The following CACNA1A variants were observed in gnomAD, a reference collection of about 807,000 sequenced individuals.
CACNA1A encodes voltage-dependent P/Q-type calcium channel subunit alpha-1A.
A neutral mutation model predicts 262.4 loss-of-function variants in CACNA1A; 57 were observed. The ratio of observed to expected loss-of-function variants is 0.22; its 90% confidence interval spans 0.18 to 0.27. The LOEUF is 0.27. Ranked by LOEUF, CACNA1A falls within the 10% of genes least tolerant of loss-of-function variation. CACNA1A has a pLI of 1.00. For missense variants in CACNA1A, 2,526 were observed against 3,562.8 expected (o/e 0.71, Z 7.41); for synonymous variants, 1,431 against 1,419.3 (o/e 1.01, Z -0.18).
chr19:13,240,237 T>G, intron 31 of CACNA1A, among the ~76,000 whole-genome samples: 2 of 152,174 alleles, frequency 1.3e-5, no homozygotes, highest in Middle Eastern at 6.8e-3. Context: ...GTGCAGTGTC[T>G]GTACATGCAG....
intron 37 of CACNA1A, chr19:13,225,981 C>T (rs1030560124): frequency 1.4e-4 from 22 of 152,158 alleles, no homozygotes; most frequent in African/African-American, 4.8e-4. Context: ...CATGAGCCAC[C>T]ACGCCCAGCC....
intron 3 of CACNA1A, among the ~76,000 whole-genome samples, chr19:13,388,245 C>CTTTT (rs1161893626): frequency 9.3e-5 from 8 of 85,682 alleles, no homozygotes; most frequent in African/African-American, 1.5e-4. Flanking sequence ...TCTTCCTCTT[C>CTTTT]TTTTTTTTTT....
chr19:13,230,244 G>A lies in CACNA1A; in HGVS notation c.5401-35C>T, dbSNP rs16041. ...CCCCGGGGACCAAGAGAGAATGGGG[G>A]CAGAGACCGAGGGAATGAATGAGTG... On this transcript the variant is annotated intron_variant, in intron 35 of 46. Transcript: ENST00000360228. 27,477 of 1,611,916 alleles carry A rather than the reference G, an allele frequency of 0.017. 266 individuals carry two copies. Among genetic ancestry groups the A allele is most frequent in the African/African-American group, 0.043 (3,231 of 74,946 alleles).
At chr19:13,370,517 C>A (rs2059303301) in intron 4 of CACNA1A, among the ~76,000 whole-genome samples, 1 of 152,018 alleles carries the variant, frequency 6.6e-6, no homozygotes, top group South Asian at 2.1e-4. Context: ...CAGCCTTGAC[C>A]TCCTGGGCTC....
At chr19:13,427,782 CAAA>C (rs2060430405) in intron 3 of CACNA1A, among the ~76,000 whole-genome samples, 1 of 142,932 alleles carries the variant, frequency 7.0e-6, no homozygotes, top group South Asian at 2.1e-4. Context: ...TAAAAACAAA[CAAA>C]CAAACAAACA....
chr19:13,224,486 CAAA>C lies in CACNA1A; in HGVS notation c.5731+178_5731+180del, dbSNP rs71168691. Among the ~76,000 whole-genome samples, 66,778 of 112,796 alleles carry C rather than the reference CAAA, an allele frequency of 0.59. 16,941 individuals carry two copies. The highest frequency in any genetic ancestry group is 0.74 in the Middle Eastern group (169 of 228). The allele number at this position is 112,796 out of a possible 152,430, so 74.0% of individuals were successfully genotyped here. ...TGGGCAACAGAGCAAGACTCTGTCT[CAAA>C]AAAAAAAAAAAAAAAACACCAAAAC... On this transcript the variant is annotated intron_variant, in intron 38 of 46. Coordinates refer to ENST00000360228, the MANE Select transcript of CACNA1A (RefSeq NM_001127222.2).
chr19:13,272,476 G>T (rs1347563631), intron 24 of CACNA1A: 2 of 152,410 alleles, frequency 1.3e-5, no homozygotes. Context: ...CAGGGTAGGG[G>T]GGCCAAGTCC....
At chr19:13,348,697 G>A (rs950981823) in intron 6 of CACNA1A, among the ~76,000 whole-genome samples, 76 of 152,246 alleles carry the variant, frequency 5.0e-4, no homozygotes, top group South Asian at 2.1e-4. Context: ...TTAGCTGGGC[G>A]TGTTGGTGCA....
At position 13,257,478 on chromosome 19, in the gene CACNA1A, T is replaced by G; in HGVS notation, c.4462A>C (p.Ile1488Leu). 6.2e-7 allele frequency: 1 copy of G among 1,612,868 alleles called. No individual in the cohort carries two copies. Among genetic ancestry groups the G allele is most frequent in the Non-Finnish European group, 8.5e-7 (1 of 1,179,356 alleles). ...PSPGYRMEMS[I>L]FYVVYFVVFP... ...ACCACAAAGTAGACGACGTAGAAAA[T>G]GGACATCTCCATGCGGTACCCGGGG... The change falls in exon 28 of 47, where the codon ATT becomes CTT. Residue 1488 changes from isoleucine (I) to leucine (L), a missense_variant. Physicochemically the swap from Ile to Leu is conservative, Grantham distance 5. This residue lies in a region of CACNA1A where 137 missense variants were observed against 377.7 expected (regional missense o/e 0.36). Transcript: ENST00000360228.
At chr19:13,344,978 T>G (rs2058739450) in intron 6 of CACNA1A, among the ~76,000 whole-genome samples, 1 of 151,962 alleles carries the variant, frequency 6.6e-6, no homozygotes, top group African/African-American at 2.4e-5. Context: ...AGGCTGGTCT[T>G]GAACTCCTGG....
chr19:13,453,025 A>G lies in CACNA1A; in HGVS notation c.400-10T>C, dbSNP rs1257924920. Reference sequence around the variant, plus strand: ...ATGGTTCTGTGTCATCCTGGAAGGGAGAGAAGGCAAGGTCAGCGTCTTGGG... The same window carrying G: ...ATGGTTCTGTGTCATCCTGGAAGGGGGAGAAGGCAAGGTCAGCGTCTTGGG... On this transcript the variant is annotated splice_polypyrimidine_tract_variant and intron_variant, in intron 2 of 46. Coordinates refer to ENST00000360228, the MANE Select transcript of CACNA1A (RefSeq NM_001127222.2). 3 of 1,613,732 alleles carry G rather than the reference A, an allele frequency of 1.9e-6. No individual in the cohort carries two copies. Among genetic ancestry groups the G allele is most frequent in the Non-Finnish European group, 2.5e-6 (3 of 1,179,810 alleles).
At chr19:13,264,886 T>C (rs1015832503) in intron 24 of CACNA1A, among the ~76,000 whole-genome samples, 1 of 149,330 alleles carries the variant, frequency 6.7e-6, no homozygotes, top group Non-Finnish European at 1.5e-5. Flanking sequence ...TCTTTTTTTT[T>C]TTTTTTGAGA....
intron 36 of CACNA1A, among the ~76,000 whole-genome samples, chr19:13,228,244 G>C (rs866148701): frequency 2.0e-5 from 3 of 151,626 alleles, no homozygotes; most frequent in African/African-American, 7.3e-5. Flanking sequence ...ACGTTCTCTG[G>C]TTTGGCTGAG....
Position 13,212,545 on chromosome 19 carries a change from G to T in CACNA1A, c.6051-23C>A. On this transcript the variant is annotated intron_variant, in intron 41 of 46. Coordinates refer to ENST00000360228, the MANE Select transcript of CACNA1A (RefSeq NM_001127222.2). This position sits in a 1 kb window ranked among gnomAD's most constrained non-coding sequence, Gnocchi z 5.6. ...ATCCTGCATGGGGGACAGAGGCCGG[G>T]GTAGCAGTGGGCGCTTGGGCAGCTT... is the stretch of plus-strand genomic sequence containing the variant. 6.5e-7 allele frequency: 1 copy of T among 1,545,498 alleles called. No individual in the cohort carries two copies.
chr19:13,299,922 T>C (rs1313217065), intron 18 of CACNA1A, among the ~76,000 whole-genome samples: 2 of 152,208 alleles, frequency 1.3e-5, no homozygotes, highest in African/African-American at 4.8e-5. Context: ...CATTCGATTC[T>C]TAAAAGGAGC....
At chr19:13,275,526 T>C (rs2057124335) in intron 24 of CACNA1A, 1 of 352,068 alleles carries the variant, frequency 2.8e-6, no homozygotes, top group South Asian at 3.4e-5. Flanking sequence ...GCGGCGCTTG[T>C]GGAGTAGTAG....
chr19:13,402,855 TATACAC>T (rs1434928711), intron 3 of CACNA1A, among the ~76,000 whole-genome samples: 1 of 72,736 alleles, frequency 1.4e-5, no homozygotes, highest in South Asian at 4.0e-4. Context: ...CACATATATA[TATACAC>T]ACACACACAC....
At chr19:13,399,370 C>G (rs2059860468) in intron 3 of CACNA1A, among the ~76,000 whole-genome samples, 1 of 145,060 alleles carries the variant, frequency 6.9e-6, no homozygotes, top group Non-Finnish European at 1.5e-5. Flanking sequence ...AGAGATGAGT[C>G]AGCAGAAGTC....
chr19:13,501,301 G>A (rs756722399), intron 1 of CACNA1A, among the ~76,000 whole-genome samples: 13 of 151,188 alleles, frequency 8.6e-5, no homozygotes, highest in Non-Finnish European at 1.8e-4. Flanking sequence ...CCAGCCTCCC[G>A]AGTAGCTGGG....
Sources: gnomAD v4.1 joint callset for allele counts (sites outside exome capture counted in the v4.1 genomes callset) on GRCh38, gnomAD v4.1.1 for gene constraint, gnomAD v4.1.1 regional missense constraint, Gnocchi (gnomAD v3.1) non-coding constraint, MANE v1.5 for transcripts, NCBI Gene and HGNC (gene_info 2026-07-23, HGNC 2026-07-21) for gene names.